CDS2: variants seen among roughly 807,000 people sequenced by gnomAD.
CDS2 encodes the protein CDP-diacylglycerol synthase 2.
CDS2 carries 47 observed loss-of-function variants against 59.0 expected under a neutral mutation model. That is an observed-to-expected ratio of 0.80 (90% CI 0.63 to 1.02). The LOEUF is 1.02. Ranked by LOEUF, CDS2 falls within the 50% of genes least tolerant of loss-of-function variation. The probability of loss-of-function intolerance (pLI) is 0.00; values close to 1 mark genes in which losing one functional copy is unlikely to be tolerated. For synonymous variants in CDS2, 207 were observed against 206.4 expected, an observed-to-expected ratio of 1.00 and a Z score of -0.02; for missense variants, 356 against 558.9, an observed-to-expected ratio of 0.64 and a Z score of 3.66.
At chr20:5,159,506 G>A (rs1383549616) in intron 1 of CDS2, among the ~76,000 whole-genome samples, 2 of 151,492 alleles carry the variant, frequency 1.3e-5, no homozygotes, top group Admixed American at 6.6e-5. Flanking sequence ...TTTTTGTTTT[G>A]GATGATTTGC....
chr20:5,137,822 G>A lies in CDS2; in HGVS notation c.57+10673G>A, dbSNP rs147906032. On this transcript the variant is annotated intron_variant, in intron 1 of 12. Transcript: ENST00000460006. Reference sequence around the variant, plus strand: ...TTCTTTTTTGTTTTTTTTTTGAGACGGAGTCTCGCTCTGTCGCCCAGGCTG... The same window carrying A: ...TTCTTTTTTGTTTTTTTTTTGAGACAGAGTCTCGCTCTGTCGCCCAGGCTG... Among the ~76,000 whole-genome samples, 660 of 150,712 alleles carry A rather than the reference G, an allele frequency of 4.4e-3. 12 individuals carry two copies. Among genetic ancestry groups the A allele is most frequent in the Middle Eastern group, 6.8e-3 (2 of 292 alleles).
At chr20:5,130,504 C>T (rs1254376006) in intron 1 of CDS2, among the ~76,000 whole-genome samples, 6 of 148,984 alleles carry the variant, frequency 4.0e-5, no homozygotes, top group South Asian at 2.2e-4. Flanking sequence ...AGGCTGGGCG[C>T]GGTGGCTCAC....
chr20:5,147,321 A>G (rs184228608), intron 1 of CDS2, among the ~76,000 whole-genome samples: 139 of 152,314 alleles, frequency 9.1e-4, no homozygotes, highest in African/African-American at 3.1e-3. Flanking sequence ...AGTCTTCATT[A>G]GTAGTGGTAA....
chr20:5,181,833 G>A (rs2091035600), intron 5 of CDS2, among the ~76,000 whole-genome samples: 1 of 152,180 alleles, frequency 6.6e-6, no homozygotes, highest in African/African-American at 2.4e-5. Flanking sequence ...GTAAGTATTT[G>A]TGTATCTAAA....
intron 1 of CDS2, among the ~76,000 whole-genome samples, chr20:5,142,362 G>A (rs960584648): frequency 2.6e-5 from 4 of 151,950 alleles, no homozygotes; most frequent in African/African-American, 9.7e-5. Flanking sequence ...CAGGATAATC[G>A]CTTGAACCCA....
At chr20:5,186,612 C>A in intron 9 of CDS2, 75 bp from the exon 10 acceptor site, 1 of 1,538,784 alleles carries the variant, frequency 6.5e-7, no homozygotes, top group Non-Finnish European at 8.9e-7. Flanking sequence ...GGAACATGGC[C>A]AAACCAGGTG....
At chr20:5,149,381 A>G (rs2090770760) in intron 1 of CDS2, among the ~76,000 whole-genome samples, 1 of 152,122 alleles carries the variant, frequency 6.6e-6, no homozygotes, top group African/African-American at 2.4e-5. Context: ...TAAATAGTTG[A>G]AGAAGTTGGA....
chr20:5,186,148 A>AT (rs1461155619), intron 9 of CDS2, among the ~76,000 whole-genome samples: 2 of 152,206 alleles, frequency 1.3e-5, no homozygotes, highest in African/African-American at 4.8e-5. Context: ...CTTTTCTCCT[A>AT]TGTGTGCCTT....
intron 1 of CDS2, among the ~76,000 whole-genome samples, chr20:5,138,364 A>G (rs747743834): frequency 5.9e-5 from 9 of 152,138 alleles, no homozygotes; most frequent in South Asian, 2.1e-4. Context: ...CCTTTTCCCA[A>G]TGTGTGTTCT....
Position 5,190,225 on chromosome 20 carries a change from G to A in CDS2, c.1329G>A (p.Glu443=). ...AAGGGATGCTGACATCCACCACAGA[G>A]GACGAGTAGGGGCCACCCAGGGCCA... is the stretch of plus-strand genomic sequence containing the variant. ...IDKGMLTSTT[E]DE Residue 443 remains glutamate, a synonymous_variant, in exon 13 of 13, where the codon GAG becomes GAA. Transcript: ENST00000460006. 6.2e-7 allele frequency: 1 copy of A among 1,613,756 alleles called. No homozygotes were observed. The highest frequency in any genetic ancestry group is 8.5e-7 in the Non-Finnish European group (1 of 1,179,816).
At chr20:5,189,671 C>T (rs1369768095) in intron 11 of CDS2, 64 bp from the exon 12 acceptor site, 72 of 1,187,448 alleles carry the variant, frequency 6.1e-5, no homozygotes, top group Non-Finnish European at 8.7e-5. Flanking sequence ...GGGGTGGGAC[C>T]ATTAGGCTGG....
At chr20:5,135,380 A>G (rs962180232) in intron 1 of CDS2, among the ~76,000 whole-genome samples, 2 of 152,194 alleles carry the variant, frequency 1.3e-5, no homozygotes, top group Non-Finnish European at 1.5e-5. Context: ...GCTACATTCT[A>G]TGTTGTTAAG....
At chr20:5,143,310 A>G (rs147214482) in intron 1 of CDS2, among the ~76,000 whole-genome samples, 5 of 152,344 alleles carry the variant, frequency 3.3e-5, no homozygotes, top group African/African-American at 1.2e-4. Context: ...TATATGGAGC[A>G]AGAGGACCTT....
intron 1 of CDS2, among the ~76,000 whole-genome samples, chr20:5,158,621 A>G (rs1395520478): frequency 2.0e-5 from 3 of 152,226 alleles, no homozygotes; most frequent in African/African-American, 4.8e-5. Flanking sequence ...AGACTTTTCT[A>G]TTAACAGTAA....
chr20:5,137,821 C>T (rs1400214653), intron 1 of CDS2, among the ~76,000 whole-genome samples: 18 of 150,148 alleles, frequency 1.2e-4, no homozygotes, highest in Non-Finnish European at 1.9e-4. Context: ...TTTTTTGAGA[C>T]GGAGTCTCGC....
In CDS2 at chr20:5,190,239, C is replaced by T. The variant is rs373995252; in HGVS notation, c.*5C>T. The T allele has an allele frequency of 3.0e-5, 49 of 1,612,542 alleles. No homozygotes were observed. Among genetic ancestry groups the T allele is most frequent in the Non-Finnish European group, 2.5e-5 (29 of 1,179,234 alleles). ...TCCACCACAGAGGACGAGTAGGGGC[C>T]ACCCAGGGCCAGGAGAACAGGAACA... On this transcript the variant is annotated 3_prime_UTR_variant, in exon 13 of 13. Coordinates refer to ENST00000460006, the MANE Select transcript of CDS2 (RefSeq NM_003818.4).
chr20:5,162,408 G>T (rs752231714), intron 1 of CDS2, among the ~76,000 whole-genome samples: 12 of 152,128 alleles, frequency 7.9e-5, no homozygotes, highest in Non-Finnish European at 1.6e-4. Flanking sequence ...GTATTCAATC[G>T]CTACCTCTCA....
At chr20:5,165,865 G>A (rs2090909970) in intron 1 of CDS2, among the ~76,000 whole-genome samples, 2 of 152,194 alleles carry the variant, frequency 1.3e-5, no homozygotes. Flanking sequence ...TAGGAACACA[G>A]GAGCAAAAGT....
At chr20:5,177,145 C>T (rs532016491) in intron 4 of CDS2, among the ~76,000 whole-genome samples, 1 of 151,984 alleles carries the variant, frequency 6.6e-6, no homozygotes, top group Non-Finnish European at 1.5e-5. Flanking sequence ...GTGTTTGCCT[C>T]GCTATTTGGA....
Sources: gnomAD v4.1 joint callset for allele counts (sites outside exome capture counted in the v4.1 genomes callset) on GRCh38, gnomAD v4.1.1 for gene constraint, MANE v1.5 for transcripts, NCBI Gene and HGNC (gene_info 2026-07-23, HGNC 2026-07-21) for gene names.